EFCAB8: variants seen among roughly 807,000 people sequenced by gnomAD.
EFCAB8 encodes the protein EF-hand calcium-binding domain-containing protein 8.
A neutral mutation model predicts 116.3 loss-of-function variants in EFCAB8; 100 were observed. The observed-to-expected ratio is 0.86, with a 90% CI of 0.73 to 1.02. The LOEUF (loss-of-function observed/expected upper bound fraction) is 1.02, where lower values mean the gene tolerates loss of function less well. Among genes scored for constraint, EFCAB8 ranks in the 50% least tolerant of loss-of-function variants. EFCAB8 has a pLI of 0.00. For missense variants in EFCAB8, 1,320 were observed against 1,416.9 expected (o/e 0.93, Z 1.10); for synonymous variants, 558 against 567.9 (o/e 0.98, Z 0.25).
At chr20:32,890,493 G>GC (rs766437091) in intron 7 of EFCAB8, among the ~76,000 whole-genome samples, 1 of 79,696 alleles carries the variant, frequency 1.3e-5, no homozygotes, top group Non-Finnish European at 2.9e-5. Context: ...CTCCAGACTG[G>GC]AAGGTCAGGG....
chr20:32,915,762 C>A (rs1230837970), intron 17 of EFCAB8, among the ~76,000 whole-genome samples: 3 of 151,804 alleles, frequency 2.0e-5, no homozygotes, highest in Non-Finnish European at 4.4e-5. Flanking sequence ...GCCTCCGCGT[C>A]CCGGGTTCAA....
intron 23 of EFCAB8, among the ~76,000 whole-genome samples, chr20:32,944,590 T>G (rs777418669): frequency 1.2e-4 from 18 of 152,254 alleles, no homozygotes; most frequent in Non-Finnish European, 2.2e-4. Flanking sequence ...TTCATGTTCC[T>G]GCCTAGCATC....
At chr20:32,926,902 G>T (rs1987695321) in intron 20 of EFCAB8, among the ~76,000 whole-genome samples, 1 of 148,650 alleles carries the variant, frequency 6.7e-6, no homozygotes, top group African/African-American at 2.5e-5. Context: ...TCTTAATCCA[G>T]TCTATCATTG....
At chr20:32,918,109 C>G (rs550514108) in intron 18 of EFCAB8, among the ~76,000 whole-genome samples, 5 of 152,364 alleles carry the variant, frequency 3.3e-5, no homozygotes, top group Admixed American at 3.3e-4. Flanking sequence ...TTGGAAACCA[C>G]TGTCCATTTT....
At chr20:32,921,918 G>A (rs150522480) in intron 20 of EFCAB8, among the ~76,000 whole-genome samples, 49 of 148,708 alleles carry the variant, frequency 3.3e-4, no homozygotes, top group Non-Finnish European at 4.4e-4. Flanking sequence ...GCACCTCTGC[G>A]TCCTGAGTTC....
intron 15 of EFCAB8, 25 bp downstream of exon 15, chr20:32,909,956 G>A (rs1032728081): frequency 1.7e-6 from 2 of 1,206,198 alleles, no homozygotes; most frequent in Non-Finnish European, 2.1e-6. Flanking sequence ...GCTCGCCTCT[G>A]AGGCTGGCGG....
At chr20:32,906,701 C>T (rs1986690843) in intron 12 of EFCAB8, 72 bp downstream of exon 12, 18 of 718,762 alleles carry the variant, frequency 2.5e-5, no homozygotes, top group East Asian at 1.6e-4. Flanking sequence ...CACCAGAGCT[C>T]AGGAGAGGGC....
Position 32,878,813 on chromosome 20 carries a change from G to A in EFCAB8, c.431+6G>A, listed in dbSNP as rs927178123. ...CCCATGACGGTCGTCCCCCTGTAAGGAGCCTCTTCCTGGGCCTTGGTGGGT... is the reference window on the plus strand; with the variant it reads ...CCCATGACGGTCGTCCCCCTGTAAGAAGCCTCTTCCTGGGCCTTGGTGGGT... On this transcript the variant is annotated splice_donor_region_variant and intron_variant, in intron 5 of 26. Transcript: ENST00000400522. 1.4e-5 allele frequency: 21 copies of A among 1,551,656 alleles called. No homozygotes were observed. Among genetic ancestry groups the A allele is most frequent in the Non-Finnish European group, 1.8e-5 (21 of 1,146,778 alleles).
intron 1 of EFCAB8, among the ~76,000 whole-genome samples, chr20:32,860,414 C>CT (rs1166692229): frequency 6.7e-6 from 1 of 150,286 alleles, no homozygotes; most frequent in African/African-American, 2.5e-5. Context: ...AATAATACTA[C>CT]TGAAGCATTG....
Position 32,911,570 on chromosome 20 carries a change from C to T in EFCAB8, c.1648C>T (p.His550Tyr), listed in dbSNP as rs941656408. The T allele has an allele frequency of 6.5e-7, 1 of 1,545,930 alleles. No homozygotes were observed. Among genetic ancestry groups the T allele is most frequent in the East Asian group, 2.4e-5 (1 of 40,824 alleles). ...TMEFAVSGGQ[H>Y]VEMTAMALDE... ...GGAGTTTGCTGTGTCTGGGGGCCAGCACGTGGAGATGACCGCCATGGCCCT... is the reference window on the plus strand; with the variant it reads ...GGAGTTTGCTGTGTCTGGGGGCCAGTACGTGGAGATGACCGCCATGGCCCT... The change falls in exon 16 of 27, where the codon CAC (histidine) becomes TAC (tyrosine). Residue 550 changes from histidine to tyrosine, a missense_variant. Transcript: ENST00000400522.
chr20:32,905,767 A>AAAAAAAAAAAAAAAT (rs1986646868), intron 11 of EFCAB8, among the ~76,000 whole-genome samples: 1 of 150,160 alleles, frequency 6.7e-6, no homozygotes, highest in Non-Finnish European at 1.5e-5. Context: ...CTCAAAAAAA[A>AAAAAAAAAAAAAAAT]AAAAAAGGAC....
chr20:32,874,093 G>T (rs761120556), intron 3 of EFCAB8, among the ~76,000 whole-genome samples: 1 of 151,744 alleles, frequency 6.6e-6, no homozygotes, highest in Non-Finnish European at 1.5e-5. Context: ...GCTAATTTTT[G>T]TATTTTCTGT....
chr20:32,863,731 A>T, intron 1 of EFCAB8, 52 bp from the exon 2 acceptor site: 1 of 1,531,464 alleles, frequency 6.5e-7, no homozygotes, highest in Non-Finnish European at 8.8e-7. Flanking sequence ...TCAGCCTTCC[A>T]CGTGGTCCTT....
At chr20:32,888,316 C>T (rs13039274) in intron 6 of EFCAB8, among the ~76,000 whole-genome samples, 1 of 152,164 alleles carries the variant, frequency 6.6e-6, no homozygotes, top group African/African-American at 2.4e-5. Context: ...GCCTCTGCCT[C>T]CCGGGTTCAG....
chr20:32,859,085 G>A (rs75463208), intron 1 of EFCAB8, 79 bp downstream of exon 1: 4 of 469,582 alleles, frequency 8.5e-6, no homozygotes, highest in Non-Finnish European at 1.3e-5. Context: ...GACCTCCAAG[G>A]CTGGAGAGCA....
intron 20 of EFCAB8, among the ~76,000 whole-genome samples, chr20:32,925,936 C>G (rs1397173407): frequency 6.6e-6 from 1 of 152,206 alleles, no homozygotes; most frequent in Non-Finnish European, 1.5e-5. Context: ...ATGCAGAGTG[C>G]AAAAGGAATA....
rs1037786113 is a variant in EFCAB8, at chr20:32,858,990, G to T, written c.-27G>T. 1 of 471,170 alleles carries T rather than the reference G, an allele frequency of 2.1e-6. No homozygotes were observed. The highest frequency in any genetic ancestry group is 2.3e-5 in the Admixed American group (1 of 42,564). 29.2% of individuals were successfully genotyped at this position (471,170 alleles called of 1,614,324 possible). On this transcript the variant is annotated 5_prime_UTR_variant, in exon 1 of 27. Transcript: ENST00000400522. ...CTTTGCCAGCAAGATTAACTGAGGA[G>T]ATCAAATTGAGTCAGGGTGAGTGAG... is the stretch of plus-strand genomic sequence containing the variant.
At position 32,889,226 on chromosome 20, in the gene EFCAB8, A is replaced by G. The variant is rs1985788479; in HGVS notation, c.568-75A>G. On this transcript the variant is annotated intron_variant, in intron 6 of 26. Transcript: ENST00000400522. Reference sequence around the variant, plus strand: ...GTGGTGGCTCCAGGCCTTGTGTGGCAGGAGAGGTTCATGGGGAGCTGCACT... The same window carrying G: ...GTGGTGGCTCCAGGCCTTGTGTGGCGGGAGAGGTTCATGGGGAGCTGCACT... 3.8e-6 allele frequency: 5 copies of G among 1,306,390 alleles called. No homozygotes were observed. In the African/African-American group the frequency reaches 5.9e-5, roughly 15 times the overall value. 80.9% of individuals were successfully genotyped at this position (1,306,390 alleles called of 1,614,324 possible). A position where few individuals can be genotyped will look rare whatever the true frequency, so the allele number is the denominator to read the frequency against.
intron 9 of EFCAB8, among the ~76,000 whole-genome samples, chr20:32,893,673 G>A (rs1986026095): frequency 6.6e-6 from 1 of 152,068 alleles, no homozygotes; most frequent in East Asian, 1.9e-4. Context: ...GGATGGTGGC[G>A]AGGAGGCATG....
Sources: gnomAD v4.1 joint callset for allele counts (sites outside exome capture counted in the v4.1 genomes callset) on GRCh38, gnomAD v4.1.1 for gene constraint, MANE v1.5 for transcripts, NCBI Gene and HGNC (gene_info 2026-07-23, HGNC 2026-07-21) for gene names.